HIVEP3: variants seen among roughly 807,000 people sequenced by gnomAD.
The protein encoded by HIVEP3 is transcription factor HIVEP3.
A neutral mutation model predicts 152.8 loss-of-function variants in HIVEP3; 49 were observed. The ratio of observed to expected loss-of-function variants is 0.32; its 90% CI spans 0.26 to 0.41. The LOEUF (loss-of-function observed/expected upper bound fraction) is 0.41. Ranked by LOEUF, HIVEP3 falls within the 10% of genes least tolerant of loss-of-function variation. The pLI is 1.00. For synonymous variants in HIVEP3, 1,269 were observed against 1,289.0 expected (o/e 0.98, Z 0.33); for missense variants, 2,790 against 3,103.3 (o/e 0.90, Z 2.40).
chr1:41,889,287 C>T (rs1450205813), intron 1 of HIVEP3, among the ~76,000 whole-genome samples: 1 of 152,158 alleles, frequency 6.6e-6, no homozygotes, highest in African/African-American at 2.4e-5. Flanking sequence ...TTAAAGTGTG[C>T]TTTGCATTCC....
At chr1:41,536,444 A>G (rs1643402978) in intron 5 of HIVEP3, among the ~76,000 whole-genome samples, 1 of 152,200 alleles carries the variant, frequency 6.6e-6, no homozygotes, top group Non-Finnish European at 1.5e-5. Context: ...TTAGTTTAGC[A>G]TATTTGTTCC....
At chr1:41,892,906 G>A (rs1337767302) in intron 1 of HIVEP3, among the ~76,000 whole-genome samples, 1 of 152,018 alleles carries the variant, frequency 6.6e-6, no homozygotes, top group Admixed American at 6.5e-5. Context: ...GATTGCTTGA[G>A]CTCAGGAGTT....
intron 1 of HIVEP3, among the ~76,000 whole-genome samples, chr1:41,879,389 G>A (rs1644225964): frequency 6.6e-6 from 1 of 152,182 alleles, no homozygotes; most frequent in Non-Finnish European, 1.5e-5. Flanking sequence ...TTTCCCCTCA[G>A]TGGATTACAA....
chr1:41,635,229 C>G (rs1168927004), intron 2 of HIVEP3, among the ~76,000 whole-genome samples: 1 of 152,046 alleles, frequency 6.6e-6, no homozygotes, highest in African/African-American at 2.4e-5. Flanking sequence ...GCAACGCTAT[C>G]GTAGGATAAT....
At chr1:41,671,443 G>C (rs1645874332) in intron 2 of HIVEP3, among the ~76,000 whole-genome samples, 1 of 152,206 alleles carries the variant, frequency 6.6e-6, no homozygotes, top group East Asian at 1.9e-4. Flanking sequence ...TCGGGGGCAG[G>C]CACTGGTGGT....
chr1:41,544,712 T>TACC (rs773995657), intron 5 of HIVEP3, among the ~76,000 whole-genome samples: 18 of 41,346 alleles, frequency 4.4e-4, no homozygotes, highest in African/African-American at 1.6e-3. Flanking sequence ...CCACCACCAC[T>TACC]ACCACCTGTA....
chr1:41,753,399 G>T (rs147305783), intron 1 of HIVEP3, among the ~76,000 whole-genome samples: 103 of 152,282 alleles, frequency 6.8e-4, no homozygotes, highest in African/African-American at 2.3e-3. Flanking sequence ...GGTGGCTCAC[G>T]CCTGTAATCC....
intron 5 of HIVEP3, among the ~76,000 whole-genome samples, chr1:41,525,221 A>G (rs1183097179): frequency 6.6e-6 from 1 of 152,226 alleles, no homozygotes; most frequent in Non-Finnish European, 1.5e-5. Context: ...TGGCACAGCC[A>G]GCCCAGCTAC....
chr1:41,808,833 T>C (rs1364576913), intron 1 of HIVEP3, among the ~76,000 whole-genome samples: 2 of 152,254 alleles, frequency 1.3e-5, no homozygotes, highest in African/African-American at 2.4e-5. Context: ...CTGCAGTTCT[T>C]ACAAGTTGTT....
chr1:41,973,546 G>T (rs1348128999), intron 1 of HIVEP3, among the ~76,000 whole-genome samples: 1 of 152,246 alleles, frequency 6.6e-6, no homozygotes, highest in Admixed American at 6.5e-5. Context: ...AATGGAAAGA[G>T]AAAGAGAGAG....
At chr1:42,001,027 T>C (rs1645425196) in intron 1 of HIVEP3, among the ~76,000 whole-genome samples, 1 of 152,236 alleles carries the variant, frequency 6.6e-6, no homozygotes, top group Non-Finnish European at 1.5e-5. Flanking sequence ...TTTCCATTTA[T>C]GGCTGAAGAC....
intron 1 of HIVEP3, among the ~76,000 whole-genome samples, chr1:42,032,482 A>G (rs933237302): frequency 3.3e-5 from 5 of 152,110 alleles, no homozygotes; most frequent in African/African-American, 7.2e-5. Context: ...TAAATGGTAC[A>G]CTCTCTTCTT....
rs533563314 is a variant in HIVEP3, at chr1:41,581,639, C to G, written c.3159G>C (p.Arg1053Ser). 1 of 1,614,156 alleles carries G rather than the reference C, an allele frequency of 6.2e-7. No homozygotes were observed. Among genetic ancestry groups the G allele is most frequent in the Non-Finnish European group, 8.5e-7 (1 of 1,180,008 alleles). The change falls in exon 4 of 9, where the codon AGG becomes AGC. Residue 1053 changes from arginine (R) to serine (S), a missense_variant. Physicochemically the swap from Arg to Ser is moderately radical, Grantham distance 110. Around this residue, in one of 9 missense-constraint regions of HIVEP3, gnomAD observed 1,078 missense variants for 1,165.3 expected, o/e 0.93. Transcript: ENST00000372583. The surrounding 1 kb of genome is among the most constrained non-coding windows in gnomAD (Gnocchi z 4.5). The part of the protein sequence containing the change: ...CFLVRQASLS[R>S]PPESELEVAP... ...CAACCTCCAACTCAGATTCTGGAGG[C>G]CTGCTCAGAGAGGCCTGTCTCACCA...
chr1:41,804,566 G>A (rs981699359), intron 1 of HIVEP3, among the ~76,000 whole-genome samples: 7 of 152,208 alleles, frequency 4.6e-5, no homozygotes, highest in Non-Finnish European at 7.3e-5. Flanking sequence ...ACATGAAAAA[G>A]AGTTTTTATG....
chr1:41,716,765 G>A (rs1646600160), intron 1 of HIVEP3, among the ~76,000 whole-genome samples: 1 of 152,318 alleles, frequency 6.6e-6, no homozygotes, highest in East Asian at 1.9e-4. Context: ...TCCTCCTGCA[G>A]GCAGTAACAA....
At chr1:41,572,441 C>CCCCA (rs1644264719) in intron 5 of HIVEP3, among the ~76,000 whole-genome samples, 1 of 152,174 alleles carries the variant, frequency 6.6e-6, no homozygotes, top group Non-Finnish European at 1.5e-5. Context: ...CTGGGCCCGG[C>CCCCA]CCCACCCACT....
chr1:41,513,045 G>A lies in HIVEP3; in HGVS notation c.6176C>T (p.Thr2059Ile), dbSNP rs750627844. The stretch of plus-strand genomic sequence containing the variant: ...CGAGTATCTGGGGAGGCCTGGGTCG[G>A]TGGTACCCTCGAGTTTGGAGAGCAC... ...AHVLSKLEGT[T>I]DPGLPRYSPT... The change falls in exon 8 of 9, where the codon ACC becomes ATC. Residue 2059 changes from threonine (T) to isoleucine (I), a missense_variant. Thr to Ile is a moderately conservative substitution (Grantham distance 89). Transcript: ENST00000372583. 6.2e-7 allele frequency: 1 copy of A among 1,613,828 alleles called. No homozygotes were observed. Among genetic ancestry groups the A allele is most frequent in the Non-Finnish European group, 8.5e-7 (1 of 1,179,968 alleles).
intron 1 of HIVEP3, among the ~76,000 whole-genome samples, chr1:42,034,792 A>G (rs1172257944): frequency 6.6e-6 from 1 of 152,222 alleles, no homozygotes; most frequent in Non-Finnish European, 1.5e-5. Context: ...TCAGTTAATC[A>G]GCAACACTTC....
chr1:41,719,175 A>G (rs1178732927), intron 1 of HIVEP3, among the ~76,000 whole-genome samples: 1 of 152,192 alleles, frequency 6.6e-6, no homozygotes, highest in African/African-American at 2.4e-5. Context: ...GAGAGAGAGG[A>G]GCTTTGAAGG....
Sources: allele counts gnomAD v4.1 joint callset (sites outside exome capture counted in the v4.1 genomes callset), GRCh38; gene constraint gnomAD v4.1.1; regional missense constraint gnomAD v4.1.1; non-coding constraint Gnocchi (gnomAD v3.1); transcripts MANE v1.5; gene names NCBI Gene and HGNC (gene_info 2026-07-23, HGNC 2026-07-21).